KDM4C: variants seen among roughly 807,000 people sequenced by gnomAD.
KDM4C encodes lysine-specific demethylase 4C.
KDM4C carries 81 observed loss-of-function variants against 129.3 expected under a neutral mutation model. The ratio of observed to expected loss-of-function variants is 0.63; its 90% CI spans 0.52 to 0.75. KDM4C has a LOEUF of 0.75. Ranked by LOEUF, KDM4C falls within the 30% of genes least tolerant of loss-of-function variation. The pLI is 0.00. For missense variants in KDM4C, 1,457 were observed against 1,304.0 expected (o/e 1.12, Z -1.81); for synonymous variants, 573 against 456.1 (o/e 1.26, Z -3.26).
At chr9:6,940,031 T>TTCCTTCCC in intron 8 of KDM4C, among the ~76,000 whole-genome samples, 1 of 126,194 alleles carries the variant, frequency 7.9e-6, no homozygotes, top group South Asian at 2.7e-4. Context: ...CCTTCCTTCC[T>TTCCTTCCC]TCTTTCCTTC....
At chr9:7,031,526 T>C (rs1310226656) in intron 15 of KDM4C, among the ~76,000 whole-genome samples, 1 of 152,154 alleles carries the variant, frequency 6.6e-6, no homozygotes, top group Non-Finnish European at 1.5e-5. Context: ...TCACTTGGAA[T>C]TAGCTTTCCT....
At chr9:6,780,794 A>AAG (rs1824179550) in intron 1 of KDM4C, among the ~76,000 whole-genome samples, 1 of 145,968 alleles carries the variant, frequency 6.9e-6, no homozygotes, top group Admixed American at 6.9e-5. Flanking sequence ...AAAAAAAAAA[A>AAG]GCGACTTTAA....
chr9:6,888,873 C>T (rs1183595837), intron 7 of KDM4C, among the ~76,000 whole-genome samples: 2 of 32,950 alleles, frequency 6.1e-5, no homozygotes, highest in South Asian at 9.5e-4. Context: ...CTGCAAGCTC[C>T]GCCTCCCGGG....
intron 4 of KDM4C, among the ~76,000 whole-genome samples, chr9:6,843,293 C>T (rs555382857): frequency 2.0e-5 from 3 of 152,322 alleles, no homozygotes; most frequent in East Asian, 3.9e-4. Flanking sequence ...GCTGTGAATC[C>T]GTCGAGGTGC....
chr9:6,964,908 C>G (rs938519863), intron 8 of KDM4C, among the ~76,000 whole-genome samples: 1 of 151,630 alleles, frequency 6.6e-6, no homozygotes, highest in Non-Finnish European at 1.5e-5. Flanking sequence ...GAGCCGAGAT[C>G]GCGCCATTGC....
chr9:7,118,009 C>T (rs1385315646), intron 18 of KDM4C, among the ~76,000 whole-genome samples: 1 of 152,176 alleles, frequency 6.6e-6, no homozygotes, highest in Admixed American at 6.6e-5. Context: ...CACATTAACA[C>T]AGTGAGGCAA....
intron 17 of KDM4C, among the ~76,000 whole-genome samples, chr9:7,056,377 G>T (rs1489837255): frequency 6.6e-6 from 1 of 151,368 alleles, no homozygotes; most frequent in East Asian, 1.9e-4. Flanking sequence ...ATTAGTAGCT[G>T]TATAGTACTT....
intron 1 of KDM4C, among the ~76,000 whole-genome samples, chr9:6,791,932 G>A (rs556350419): frequency 1.3e-5 from 2 of 152,276 alleles, no homozygotes; most frequent in East Asian, 3.9e-4. Flanking sequence ...TGAGGCAGGA[G>A]AATCACTGGA....
At chr9:6,966,726 G>GAA (rs1420391680) in intron 8 of KDM4C, among the ~76,000 whole-genome samples, 1 of 151,766 alleles carries the variant, frequency 6.6e-6, no homozygotes, top group Non-Finnish European at 1.5e-5. Flanking sequence ...ATCCAGTAGG[G>GAA]AAAAAAAGTC....
intron 17 of KDM4C, among the ~76,000 whole-genome samples, chr9:7,061,142 A>G (rs753435521): frequency 2.0e-5 from 3 of 152,196 alleles, no homozygotes; most frequent in South Asian, 2.1e-4. Context: ...GGTCAGTTGC[A>G]CTATACAGAT....
At chr9:6,767,546 T>C (rs1359053941) in intron 1 of KDM4C, among the ~76,000 whole-genome samples, 2 of 152,284 alleles carry the variant, frequency 1.3e-5, no homozygotes, top group Non-Finnish European at 2.9e-5. Flanking sequence ...GCGATTCTTC[T>C]GCCTCAGTCT....
At chr9:7,052,293 C>G (rs1035428841) in intron 17 of KDM4C, among the ~76,000 whole-genome samples, 24 of 152,180 alleles carry the variant, frequency 1.6e-4, no homozygotes, top group Admixed American at 1.4e-3. Context: ...GGAAATTGAA[C>G]AACCAAATTG....
At chr9:6,961,564 T>G (rs1300451968) in intron 8 of KDM4C, among the ~76,000 whole-genome samples, 1 of 152,232 alleles carries the variant, frequency 6.6e-6, no homozygotes, top group Admixed American at 6.5e-5. Context: ...CATAGCATAA[T>G]TCATTAGTAA....
chr9:6,790,004 T>C (rs1358568849), intron 1 of KDM4C, among the ~76,000 whole-genome samples: 1 of 150,722 alleles, frequency 6.6e-6, no homozygotes, highest in East Asian at 2.1e-4. Flanking sequence ...CTGGGTGCGG[T>C]GGCTCACGCC....
chr9:7,116,757 T>G (rs6477161), intron 18 of KDM4C, among the ~76,000 whole-genome samples: 72,228 of 151,990 alleles, frequency 0.48, 17,429 homozygotes, highest in East Asian at 0.75. Context: ...CACCGTACCT[T>G]TAGTTGCTTC....
At chr9:6,744,910 T>C (rs1817826531) in intron 1 of KDM4C, among the ~76,000 whole-genome samples, 1 of 152,054 alleles carries the variant, frequency 6.6e-6, no homozygotes, top group Admixed American at 6.6e-5. Context: ...GTGGGGCTAA[T>C]ACCCTGCAGA....
chr9:6,873,193 C>T (rs1843026362), intron 5 of KDM4C, among the ~76,000 whole-genome samples: 1 of 152,158 alleles, frequency 6.6e-6, no homozygotes, highest in Non-Finnish European at 1.5e-5. Context: ...GACGGGGTTT[C>T]ACCATGTTGG....
At chr9:6,785,958 A>G (rs1825396009) in intron 1 of KDM4C, among the ~76,000 whole-genome samples, 1 of 152,234 alleles carries the variant, frequency 6.6e-6, no homozygotes, top group African/African-American at 2.4e-5. Flanking sequence ...AGCCAGAGAC[A>G]TAGTCTGCTA....
chr9:6,757,802 G>A (rs1818494341), upstream of KDM4C: 2 of 985,576 alleles, frequency 2.0e-6, no homozygotes, highest in Non-Finnish European at 1.2e-6. Context: ...GGATATGCCT[G>A]TGTCCAAAGG....
Sources: gnomAD v4.1 joint callset for allele counts (sites outside exome capture counted in the v4.1 genomes callset) on GRCh38, gnomAD v4.1.1 for gene constraint, MANE v1.5 for transcripts, NCBI Gene and HGNC (gene_info 2026-07-23, HGNC 2026-07-21) for gene names.